The following AKAP11 variants were observed in gnomAD, a reference collection of about 807,000 sequenced individuals.
AKAP11 encodes the protein A-kinase anchor protein 11.
In AKAP11, 36 loss-of-function variants were observed where a neutral mutation model predicts 146.1. The ratio of observed to expected loss-of-function variants is 0.25; its 90% CI spans 0.19 to 0.33. AKAP11 has a LOEUF of 0.33. Ranked by LOEUF, AKAP11 falls within the 10% of genes least tolerant of loss-of-function variation. AKAP11 has a pLI of 1.00. For synonymous variants in AKAP11, 780 were observed against 786.5 expected (o/e 0.99, Z 0.14); for missense variants, 2,201 against 2,197.0 (o/e 1.00, Z -0.04).
chr13:42,286,214 TG>T, intron 2 of AKAP11, 85 bp from the exon 3 acceptor site: 2 of 485,786 alleles, frequency 4.1e-6, no homozygotes, highest in Non-Finnish European at 7.2e-6. Flanking sequence ...TTTTAATGAC[TG>T]AGTTAAAATA....
chr13:42,281,719 A>G (rs1157183510), intron 1 of AKAP11, among the ~76,000 whole-genome samples: 6 of 152,134 alleles, frequency 3.9e-5, no homozygotes, highest in Admixed American at 2.6e-4. Context: ...TTTATATTAC[A>G]TATATAGATA....
intron 1 of AKAP11, among the ~76,000 whole-genome samples, chr13:42,283,347 A>C (rs1959102448): frequency 1.3e-5 from 2 of 152,158 alleles, no homozygotes; most frequent in Non-Finnish European, 2.9e-5. Flanking sequence ...GAATTCTGAG[A>C]TAATGTGAGT....
At chr13:42,287,539 C>T (rs900329057) in intron 3 of AKAP11, among the ~76,000 whole-genome samples, 1 of 152,100 alleles carries the variant, frequency 6.6e-6, no homozygotes, top group African/African-American at 2.4e-5. Flanking sequence ...CTGCCTCGGC[C>T]TCCCAAAGTG....
chr13:42,292,375 T>TC lies in AKAP11; in HGVS notation c.52-6dup. ...AAATTTGAAATATCTTTGCTTTCTT[T>TC]CCCCTGCAGAGCTTCAGTGAAGATG... On this transcript the variant is annotated splice_polypyrimidine_tract_variant and intron_variant, in intron 3 of 12. Transcript: ENST00000025301. 1.3e-6 allele frequency: 2 copies of TC among 1,497,760 alleles called. No individual in the cohort carries two copies. The highest frequency in any genetic ancestry group is 1.4e-5 in the African/African-American group (1 of 73,172). 92.8% of individuals were successfully genotyped at this position (1,497,760 alleles called of 1,614,324 possible).
At chr13:42,281,502 C>G (rs1169344607) in intron 1 of AKAP11, among the ~76,000 whole-genome samples, 2 of 152,032 alleles carry the variant, frequency 1.3e-5, no homozygotes, top group African/African-American at 4.8e-5. Flanking sequence ...CAAAAAAGGT[C>G]AAGTAATAGG....
chr13:42,305,931 G>A (rs769727846), intron 8 of AKAP11, among the ~76,000 whole-genome samples: 1 of 152,180 alleles, frequency 6.6e-6, no homozygotes, highest in Non-Finnish European at 1.5e-5. Flanking sequence ...AGGGGGAGCT[G>A]CCAGACACTT....
At chr13:42,272,256 C>T (rs1212143432) in intron 1 of AKAP11, 28 bp downstream of exon 1, 1 of 152,416 alleles carries the variant, frequency 6.6e-6, no homozygotes, top group Non-Finnish European at 1.5e-5. Flanking sequence ...GTGCTCGCCG[C>T]GGAGGCTGCG....
At chr13:42,285,600 C>T (rs926206047) in intron 1 of AKAP11, among the ~76,000 whole-genome samples, 1 of 152,052 alleles carries the variant, frequency 6.6e-6, no homozygotes, top group Non-Finnish European at 1.5e-5. Flanking sequence ...ATGCAGATAC[C>T]GAGTGGTTAA....
At chr13:42,299,316 A>G in intron 7 of AKAP11, 47 bp from the exon 8 acceptor site, 1 of 1,515,030 alleles carries the variant, frequency 6.6e-7, no homozygotes, top group Non-Finnish European at 8.8e-7. Flanking sequence ...TAATTTCCAA[A>G]AAGTTTTGTT....
rs1267426663 is a variant in AKAP11, at chr13:42,286,005, T to C, written c.-80T>C. 2 of 159,690 alleles carry C rather than the reference T, an allele frequency of 1.3e-5. No individual in the cohort carries two copies. The highest frequency in any genetic ancestry group is 2.7e-5 in the Non-Finnish European group (2 of 73,232). The allele number at this position is 159,690 out of a possible 1,614,324, so 9.9% of individuals were successfully genotyped here. A position where few individuals can be genotyped will look rare whatever the true frequency, so the allele number is the denominator to read the frequency against. ...TTTCAGATCTTTCTCTTTGACACTT[T>C]GCAATAAAAAAGGGCAGTGAGATTG... On this transcript the variant is annotated 5_prime_UTR_variant, in exon 2 of 13. Coordinates refer to ENST00000025301, the MANE Select transcript of AKAP11 (RefSeq NM_016248.4).
chr13:42,303,663 G>T lies in AKAP11; in HGVS notation c.4917G>T (p.Gln1639His), dbSNP rs149608157. 122 of 1,614,120 alleles carry T rather than the reference G, an allele frequency of 7.6e-5. No individual in the cohort carries two copies. The highest frequency in any genetic ancestry group is 9.4e-5 in the Non-Finnish European group (111 of 1,179,996). ...GGATTTTTCATCTCAGTGTCCCTCAGATTCATGTTAATCTTGATAAGAAGG... is the reference window on the plus strand; with the variant it reads ...GGATTTTTCATCTCAGTGTCCCTCATATTCATGTTAATCTTGATAAGAAGG... ...KSRIFHLSVPQIHVNLDKKAV... is the reference protein window; with the variant it reads ...KSRIFHLSVPHIHVNLDKKAV... The change falls in exon 8 of 13, where the codon CAG (glutamine) becomes CAT (histidine). Residue 1639 changes from glutamine to histidine, a missense_variant. Around this residue, in one of 3 missense-constraint regions of AKAP11, gnomAD observed 1,867 missense variants for 1,833.5 expected, o/e 1.02. Coordinates refer to ENST00000025301, the MANE Select transcript of AKAP11 (RefSeq NM_016248.4).
At position 42,301,351 on chromosome 13, in the gene AKAP11, C is replaced by G. The variant is rs1387035316; in HGVS notation, c.2605C>G (p.Pro869Ala). The G allele has an allele frequency of 6.2e-7, 1 of 1,613,886 alleles. No individual in the cohort carries two copies. The highest frequency in any genetic ancestry group is 2.2e-5 in the East Asian group (1 of 44,872). The change falls in exon 8 of 13, where the codon CCT (proline) becomes GCT (alanine). Residue 869 changes from proline to alanine, a missense_variant. Physicochemically the swap from Pro to Ala is conservative, Grantham distance 27. Around this residue, in one of 3 missense-constraint regions of AKAP11, gnomAD observed 1,867 missense variants for 1,833.5 expected, o/e 1.02. Transcript: ENST00000025301. ...MQSSSKLPND[P>A]AIISNFSAAV... Reference sequence around the variant, plus strand: ...GAGTTCCTCAAAATTACCAAATGATCCTGCAATTATTAGCAACTTTTCTGC... The same window carrying G: ...GAGTTCCTCAAAATTACCAAATGATGCTGCAATTATTAGCAACTTTTCTGC...
chr13:42,273,425 C>T (rs769463519), intron 1 of AKAP11, among the ~76,000 whole-genome samples: 41 of 149,244 alleles, frequency 2.7e-4, no homozygotes, highest in Non-Finnish European at 4.5e-4. Context: ...TTTTTCTTGT[C>T]GTTGTTCCTC....
intron 4 of AKAP11, among the ~76,000 whole-genome samples, chr13:42,294,527 C>T (rs1463469752): frequency 3.9e-5 from 6 of 151,976 alleles, no homozygotes; most frequent in African/African-American, 1.2e-4. Context: ...CTCAGCCTCC[C>T]GAGTAGCTGG....
chr13:42,311,071 A>G (rs1960538761), intron 9 of AKAP11, among the ~76,000 whole-genome samples: 1 of 152,194 alleles, frequency 6.6e-6, no homozygotes, highest in Admixed American at 6.5e-5. Context: ...CTTAGGAATT[A>G]TGAATTAGAT....
chr13:42,292,781 A>T (rs1364043020), intron 4 of AKAP11, among the ~76,000 whole-genome samples: 1 of 152,192 alleles, frequency 6.6e-6, no homozygotes, highest in Non-Finnish European at 1.5e-5. Context: ...ACATTAGATG[A>T]TGCCTACTAT....
chr13:42,310,356 C>T (rs1960493768), intron 9 of AKAP11, among the ~76,000 whole-genome samples: 1 of 152,160 alleles, frequency 6.6e-6, no homozygotes. Flanking sequence ...AGGGTCTCAC[C>T]TCCAGAGATG....
chr13:42,291,052 G>A (rs1959205271), intron 3 of AKAP11, among the ~76,000 whole-genome samples: 1 of 152,092 alleles, frequency 6.6e-6, no homozygotes, highest in Admixed American at 6.6e-5. Flanking sequence ...TAACAGTACA[G>A]CTTTTTATCA....
At chr13:42,308,382 A>C (rs1960385906) in intron 8 of AKAP11, 72 bp from the exon 9 acceptor site, 3 of 1,275,894 alleles carry the variant, frequency 2.4e-6, no homozygotes, top group African/African-American at 1.5e-5. Flanking sequence ...TTGTCATCAA[A>C]TTGATAGTCT....
Sources: allele counts gnomAD v4.1 joint callset (sites outside exome capture counted in the v4.1 genomes callset), GRCh38; gene constraint gnomAD v4.1.1; regional missense constraint gnomAD v4.1.1; transcripts MANE v1.5; gene names NCBI Gene and HGNC (gene_info 2026-07-23, HGNC 2026-07-21).